Variants in VEZF1 observed in about 807,000 individuals in gnomAD.
VEZF1 encodes the protein vascular endothelial zinc finger 1.
A neutral mutation model predicts 44.1 loss-of-function variants in VEZF1; 5 were observed. That is an observed-to-expected ratio of 0.11 (90% CI 0.06 to 0.24). VEZF1 has a LOEUF of 0.24. Among genes scored for constraint, VEZF1 ranks in the 10% least tolerant of loss-of-function variants. The pLI is 1.00. For synonymous variants in VEZF1, 236 were observed against 233.1 expected, an observed-to-expected ratio of 1.01 and a Z score of -0.11; for missense variants, 358 against 641.8, an observed-to-expected ratio of 0.56 and a Z score of 4.78.
rs144484670 is a variant in VEZF1 at position 57,974,554 on chromosome 17, G to A, written c.1485C>T (p.Ala495=). The A allele has an allele frequency of 4.3e-5, 70 of 1,614,184 alleles. No individual in the cohort carries two copies. In the African/African-American group the frequency reaches 5.2e-4, roughly 12 times the overall value. The change falls in exon 6 of 6, where the codon GCC becomes GCT. Residue 495 remains alanine (A), a synonymous_variant. Transcript: ENST00000581208. ...GTCTCATTGCTATATTGAGAGGGGCGGCTAATGTCATAGGTGTGGGTAGAT... is the reference window on the plus strand; with the variant it reads ...GTCTCATTGCTATATTGAGAGGGGCAGCTAATGTCATAGGTGTGGGTAGAT... The part of the protein sequence containing the change: ...PMNLPTPMTL[A]APLNIAMRPV...
intron 5 of VEZF1, among the ~76,000 whole-genome samples, chr17:57,977,153 G>A (rs1380588002): frequency 1.3e-5 from 2 of 152,040 alleles, no homozygotes; most frequent in Admixed American, 6.5e-5. Flanking sequence ...GTCTCAATCT[G>A]TTGTCCAGGC....
In VEZF1 at chr17:57,974,288, A is replaced by G. The variant is rs1018465611; in HGVS notation, c.*185T>C. On this transcript the variant is annotated 3_prime_UTR_variant, in exon 6 of 6. Transcript: ENST00000581208. The stretch of plus-strand genomic sequence containing the variant: ...CTGATTAAACTAAAGTGGTCCAGTG[A>G]TAAGTTACATACACACCCTACTTTG... 9 of 670,292 alleles carry G rather than the reference A, an allele frequency of 1.3e-5. No homozygotes were observed. The East Asian group carries it at 1.4e-4, about 10-fold the overall frequency. 41.5% of individuals were successfully genotyped at this position (670,292 alleles called of 1,614,324 possible). A position where few individuals can be genotyped will look rare whatever the true frequency, so the allele number is the denominator to read the frequency against.
rs1455615503 is a variant in VEZF1, at chr17:57,988,218, G to C, written c.-107C>G. The C allele has an allele frequency of 3.5e-5, 8 of 228,186 alleles. No individual in the cohort carries two copies. Among genetic ancestry groups the C allele is most frequent in the African/African-American group, 1.2e-4 (5 of 42,566 alleles). The allele number at this position is 228,186 out of a possible 1,614,324, so 14.1% of individuals were successfully genotyped here. A position where few individuals can be genotyped will look rare whatever the true frequency, so the allele number is the denominator to read the frequency against. On this transcript the variant is annotated 5_prime_UTR_variant, in exon 1 of 6. Transcript: ENST00000581208. ...CGGCGGCGGCGGCGGCAACGGCAGC[G>C]GCGGCTCCTCAACATGGCAGCGCCG... is the stretch of plus-strand genomic sequence containing the variant.
intron 1 of VEZF1, among the ~76,000 whole-genome samples, chr17:57,985,697 T>C (rs1466176584): frequency 6.6e-6 from 1 of 152,184 alleles, no homozygotes; most frequent in Non-Finnish European, 1.5e-5. Context: ...CCCAGGGTAG[T>C]AGGATATGGC....
Position 57,974,080 on chromosome 17 carries a change from T to A in VEZF1, c.*393A>T, listed in dbSNP as rs2075164263. On this transcript the variant is annotated 3_prime_UTR_variant, in exon 6 of 6. Transcript: ENST00000581208. ...TAAAATTTCAGGTTAAAATCAGCCA[T>A]CCACCTTGTATAGGGAGAAGAGTTC... 5.4e-6 allele frequency: 1 copy of A among 184,560 alleles called. No homozygotes were observed. Among genetic ancestry groups the A allele is most frequent in the African/African-American group, 2.4e-5 (1 of 42,526 alleles). The allele number at this position is 184,560 out of a possible 1,614,324, so 11.4% of individuals were successfully genotyped here.
At chr17:57,987,872 C>T (rs2075314710) in intron 1 of VEZF1, among the ~76,000 whole-genome samples, 1 of 151,998 alleles carries the variant, frequency 6.6e-6, no homozygotes, top group Non-Finnish European at 1.5e-5. Context: ...CCGCGGCCTG[C>T]TATCTCCCCC....
chr17:57,985,119 T>C (rs1248287561), intron 1 of VEZF1: 3 of 498,908 alleles, frequency 6.0e-6, no homozygotes, highest in East Asian at 3.5e-5. Flanking sequence ...TAGCTGAAGA[T>C]ATACAATTTC....
In VEZF1 at chr17:57,983,195, A is replaced by G. The variant is rs1366465291; in HGVS notation, c.232T>C (p.Tyr78His). The G allele has an allele frequency of 3.7e-6, 6 of 1,613,914 alleles. No individual in the cohort carries two copies. Among genetic ancestry groups the G allele is most frequent in the African/African-American group, 1.3e-5 (1 of 74,908 alleles). Residue 78 changes from tyrosine to histidine, a missense_variant, in exon 2 of 6, where the codon TAC becomes CAC. This residue lies in a region of VEZF1 where 117 missense variants were observed against 207.2 expected (regional missense o/e 0.56). Coordinates refer to ENST00000581208, the MANE Select transcript of VEZF1 (RefSeq NM_007146.3). ...EKPKTSFVCT[Y>H]CSKAFRDSYH... ...CTGTCCCTGAAAGCTTTACTGCAGT[A>G]AGTGCACACAAATGAAGTTTTGGGT...
chr17:57,985,429 C>A, intron 1 of VEZF1: 1 of 1,223,660 alleles, frequency 8.2e-7, no homozygotes, highest in Non-Finnish European at 1.0e-6. Flanking sequence ...CTACAAGAAG[C>A]CTTCTAAGGG....
chr17:57,973,744 A>AT lies in VEZF1; in HGVS notation c.*728dup, dbSNP rs4048253. ...AACACAATTTGTAGATTTTTTTTAAATTTTTTTTTTTTTTAAAAAGTCAAC... is the reference window on the plus strand; with the variant it reads ...AACACAATTTGTAGATTTTTTTTAAATTTTTTTTTTTTTTTAAAAAGTCAAC... On this transcript the variant is annotated 3_prime_UTR_variant, in exon 6 of 6. Coordinates refer to ENST00000581208, the MANE Select transcript of VEZF1 (RefSeq NM_007146.3). 10,835 of 147,552 alleles carry AT rather than the reference A, an allele frequency of 0.073. 435 individuals are homozygous for AT. Among genetic ancestry groups the AT allele is most frequent in the African/African-American group, 0.11 (4,560 of 40,502 alleles). The allele number at this position is 147,552 out of a possible 1,614,324, so 9.1% of individuals were successfully genotyped here.
Position 57,974,351 on chromosome 17 carries a change from C to T in VEZF1, c.*122G>A, listed in dbSNP as rs2075167136. The T allele has an allele frequency of 1.5e-5, 18 of 1,166,376 alleles. No individual in the cohort carries two copies. The highest frequency in any genetic ancestry group is 8.1e-5 in the South Asian group (5 of 62,052). 72.3% of individuals were successfully genotyped at this position (1,166,376 alleles called of 1,614,324 possible). A position where few individuals can be genotyped will look rare whatever the true frequency, so the allele number is the denominator to read the frequency against. On this transcript the variant is annotated 3_prime_UTR_variant, in exon 6 of 6. Transcript: ENST00000581208. Reference sequence around the variant, plus strand: ...CAAATTGGAGAAAAATGCTACCACACTCTTATTAACTAATGTAATAAAATC... The same window carrying T: ...CAAATTGGAGAAAAATGCTACCACATTCTTATTAACTAATGTAATAAAATC...
At chr17:57,975,202 G>A (rs1034107509) in intron 5 of VEZF1, among the ~76,000 whole-genome samples, 5 of 152,202 alleles carry the variant, frequency 3.3e-5, no homozygotes, top group African/African-American at 1.2e-4. Context: ...ATGCTGAGAG[G>A]ATCAGTTAAC....
chr17:57,980,404 C>T (rs2075237957), intron 4 of VEZF1, among the ~76,000 whole-genome samples, 199 bp downstream of exon 4: 1 of 152,208 alleles, frequency 6.6e-6, no homozygotes, highest in Non-Finnish European at 1.5e-5. Flanking sequence ...TTATTATTAG[C>T]TTATCAATGC....
chr17:57,973,763 A>G lies in VEZF1; in HGVS notation c.*710T>C, dbSNP rs1567735872. 1 of 152,294 alleles carries G rather than the reference A, an allele frequency of 6.6e-6. No individual in the cohort carries two copies. Among genetic ancestry groups the G allele is most frequent in the African/African-American group, 2.4e-5 (1 of 41,390 alleles). The allele number at this position is 152,294 out of a possible 1,614,324, so 9.4% of individuals were successfully genotyped here. A position where few individuals can be genotyped will look rare whatever the true frequency, so the allele number is the denominator to read the frequency against. The stretch of plus-strand genomic sequence containing the variant: ...TTTTAAATTTTTTTTTTTTTTAAAA[A>G]GTCAACTACAATGCTATATTCCATC... On this transcript the variant is annotated 3_prime_UTR_variant, in exon 6 of 6. Coordinates refer to ENST00000581208, the MANE Select transcript of VEZF1 (RefSeq NM_007146.3).
Position 57,980,746 on chromosome 17 carries a change from G to A in VEZF1, c.833C>T (p.Thr278Ile). 1.2e-6 allele frequency: 2 copies of A among 1,614,204 alleles called. No individual in the cohort carries two copies. The highest frequency in any genetic ancestry group is 1.7e-6 in the Non-Finnish European group (2 of 1,180,034). ...CTTGCCTTCATGGCGCACCATGTGT[G>A]TCCGCAGTCTGTCTTTGGTGGCAAA... ...AAFATKDRLRTHMVRHEGKVS... is the reference protein window; with the variant it reads ...AAFATKDRLRIHMVRHEGKVS... The change falls in exon 4 of 6, where the codon ACA becomes ATA. Residue 278 changes from threonine (T) to isoleucine (I), a missense_variant. Around this residue, in one of 4 missense-constraint regions of VEZF1, gnomAD observed 48 missense variants for 144.9 expected, o/e 0.33. Transcript: ENST00000581208.
At chr17:57,978,210 G>T (rs201211909) in intron 5 of VEZF1, among the ~76,000 whole-genome samples, 1 of 118,368 alleles carries the variant, frequency 8.4e-6, no homozygotes. Context: ...GTCTAAAAAA[G>T]AAAAAAAAAA....
At chr17:57,975,072 G>A (rs1344221059) in intron 5 of VEZF1, among the ~76,000 whole-genome samples, 172 bp from the exon 6 acceptor site, 4 of 152,170 alleles carry the variant, frequency 2.6e-5, no homozygotes, top group African/African-American at 9.7e-5. Flanking sequence ...AAGCCTGGGG[G>A]CCAGGGATCC....
chr17:57,974,923 C>A (rs767679060), intron 5 of VEZF1, 23 bp from the exon 6 acceptor site: 61 of 1,586,976 alleles, frequency 3.8e-5, no homozygotes, highest in Non-Finnish European at 4.9e-5. Context: ...GAAAAAGGGT[C>A]TTTAGATTCT....
chr17:57,978,260 A>C (rs1372771907), intron 5 of VEZF1, among the ~76,000 whole-genome samples: 1 of 152,086 alleles, frequency 6.6e-6, no homozygotes, highest in Non-Finnish European at 1.5e-5. Flanking sequence ...GAGCCACACT[A>C]CATGAAAGCA....
Sources: allele counts gnomAD v4.1 joint callset (sites outside exome capture counted in the v4.1 genomes callset), GRCh38; gene constraint gnomAD v4.1.1; regional missense constraint gnomAD v4.1.1; transcripts MANE v1.5; gene names NCBI Gene and HGNC (gene_info 2026-07-23, HGNC 2026-07-21).